Variants in HIVEP1 observed in about 807,000 individuals in gnomAD.
HIVEP1 encodes zinc finger protein 40.
A neutral mutation model predicts 180.0 loss-of-function variants in HIVEP1; 36 were observed. That is an observed-to-expected ratio of 0.20 (90% CI 0.15 to 0.26). The LOEUF is 0.26. HIVEP1 is among the 10% of genes least tolerant of loss of function. HIVEP1 has a pLI of 1.00. For synonymous variants in HIVEP1, 1,239 were observed against 1,239.0 expected, an observed-to-expected ratio of 1.00 and a Z score of 0.00; for missense variants, 3,143 against 3,268.7, an observed-to-expected ratio of 0.96 and a Z score of 0.94.
chr6:12,071,884 A>C (rs1194251295), intron 2 of HIVEP1, among the ~76,000 whole-genome samples: 1 of 152,170 alleles, frequency 6.6e-6, no homozygotes, highest in Non-Finnish European at 1.5e-5. Context: ...ATATACTGTA[A>C]ATGCTTTAAT....
intron 2 of HIVEP1, among the ~76,000 whole-genome samples, chr6:12,049,345 T>A (rs1770346477): frequency 6.6e-6 from 1 of 152,140 alleles, no homozygotes; most frequent in African/African-American, 2.4e-5. Context: ...TCTCTAAGAT[T>A]TGGCTACTGA....
At position 12,120,370 on chromosome 6, in the gene HIVEP1, C is replaced by G; in HGVS notation, c.575C>G (p.Thr192Arg). ...TGTGGCACTACGTCCCCCTCCTATA[C>G]AAACACTGCATTCGATGTCTTACTG... Reference protein sequence around the residue: ...SHCGTTSPSYTNTAFDVLLKA... With the variant: ...SHCGTTSPSYRNTAFDVLLKA... The change falls in exon 4 of 9, where the codon ACA (threonine) becomes AGA (arginine). Residue 192 changes from threonine to arginine, a missense_variant. Transcript: ENST00000379388. 1 of 1,614,188 alleles carries G rather than the reference C, an allele frequency of 6.2e-7. No individual in the cohort carries two copies. Among genetic ancestry groups the G allele is most frequent in the Non-Finnish European group, 8.5e-7 (1 of 1,180,006 alleles).
chr6:12,129,229 A>G (rs1411420446), intron 4 of HIVEP1, among the ~76,000 whole-genome samples: 2 of 152,242 alleles, frequency 1.3e-5, no homozygotes, highest in Non-Finnish European at 2.9e-5. Flanking sequence ...ATGATTTAAA[A>G]TAATGGAGGA....
the HIVEP1 span, among the ~76,000 whole-genome samples, chr6:12,196,245 T>C: frequency 3.9e-3 from 587 of 152,330 alleles, 3 homozygotes; most frequent in African/African-American, 0.013. Context: ...GTTGTATACA[T>C]CCTCTTCTAC....
intron 2 of HIVEP1, among the ~76,000 whole-genome samples, chr6:12,031,889 C>T (rs963714401): frequency 6.6e-6 from 1 of 152,100 alleles, no homozygotes; most frequent in African/African-American, 2.4e-5. Flanking sequence ...TCCTGTGGAC[C>T]GTGAATGTGG....
intron 3 of HIVEP1, among the ~76,000 whole-genome samples, chr6:12,105,438 ACTT>A (rs1774364843): frequency 1.3e-5 from 2 of 152,094 alleles, no homozygotes; most frequent in African/African-American, 2.4e-5. Context: ...CCCTGTTTGG[ACTT>A]TTATCCTCTC....
chr6:12,177,111 G>T, the HIVEP1 span, among the ~76,000 whole-genome samples: 1 of 152,292 alleles, frequency 6.6e-6, no homozygotes, highest in South Asian at 2.1e-4. Flanking sequence ...GGAGCTAAAT[G>T]ATGAGAACTC....
Position 12,123,331 on chromosome 6 carries a change from T to G in HIVEP1, c.3536T>G (p.Ile1179Ser). The G allele has an allele frequency of 6.2e-7, 1 of 1,614,018 alleles. No homozygotes were observed. The highest frequency in any genetic ancestry group is 1.1e-5 in the South Asian group (1 of 91,070). The change falls in exon 4 of 9, where the codon ATC becomes AGC. Residue 1179 changes from isoleucine (I) to serine (S), a missense_variant. Around this residue, in one of 12 missense-constraint regions of HIVEP1, gnomAD observed 1,357 missense variants for 1,260.5 expected, o/e 1.08. Coordinates refer to ENST00000379388, the MANE Select transcript of HIVEP1 (RefSeq NM_002114.4). The stretch of plus-strand genomic sequence containing the variant: ...TCCGGGTCTCTAAAAGTGATAGGAA[T>G]CTCCCAAGAGGAAAGTCACCCTTCT... ...GKSGSLKVIG[I>S]SQEESHPSRD... is the part of the protein sequence containing the mutation.
intron 2 of HIVEP1, among the ~76,000 whole-genome samples, chr6:12,060,603 G>A (rs532448682): frequency 3.3e-5 from 5 of 152,322 alleles, no homozygotes; most frequent in African/African-American, 1.2e-4. Context: ...TTACAGGATA[G>A]TTAATATCTT....
intron 2 of HIVEP1, among the ~76,000 whole-genome samples, chr6:12,064,850 C>T (rs1561904143): frequency 1.3e-5 from 2 of 152,288 alleles, no homozygotes; most frequent in South Asian, 2.1e-4. Context: ...TTTTCCATCC[C>T]GATTTCCCAG....
rs553523650 is a variant in HIVEP1 at position 12,164,394 on chromosome 6, A to T, written c.8090A>T (p.Gln2697Leu). Residue 2697 changes from glutamine to leucine, a missense_variant, in exon 9 of 9, where the codon CAG (glutamine) becomes CTG (leucine). Coordinates refer to ENST00000379388, the MANE Select transcript of HIVEP1 (RefSeq NM_002114.4). ...AGGCCCACAGCACTACCGCGGAGGCAGCCCACTGTGCACTTCAGCGACGTG... is the reference window on the plus strand; with the variant it reads ...AGGCCCACAGCACTACCGCGGAGGCTGCCCACTGTGCACTTCAGCGACGTG... The part of the protein sequence containing the change: ...VPRPTALPRR[Q>L]PTVHFSDVSS... 6.2e-7 allele frequency: 1 copy of T among 1,614,164 alleles called. No homozygotes were observed. Among genetic ancestry groups the T allele is most frequent in the East Asian group, 2.2e-5 (1 of 44,884 alleles).
the HIVEP1 span, among the ~76,000 whole-genome samples, chr6:12,195,014 G>C: frequency 6.6e-6 from 1 of 152,166 alleles, no homozygotes; most frequent in South Asian, 2.1e-4. Flanking sequence ...CTATAAAGAG[G>C]AATGATCTTC....
Position 12,015,632 on chromosome 6 carries a change from C to G in HIVEP1, c.4C>G (p.Pro2Ala). M[P>A]RTKQIHPRNL... ...AGAAGGCCCTGAGTCAAAGAAGATG[C>G]CTCGAACTAAACAAATTCATCCCAG... Residue 2 changes from proline (P) to alanine (A), a missense_variant, in exon 2 of 9, where the codon CCT becomes GCT. Physicochemically the swap from Pro to Ala is conservative, Grantham distance 27. Around this residue, in one of 12 missense-constraint regions of HIVEP1, gnomAD observed 114 missense variants for 134.5 expected, o/e 0.85. Transcript: ENST00000379388. 1 of 1,613,186 alleles carries G rather than the reference C, an allele frequency of 6.2e-7. No homozygotes were observed. The highest frequency in any genetic ancestry group is 1.7e-5 in the Admixed American group (1 of 59,922).
rs1207478575 is a variant in HIVEP1 at position 12,136,935 on chromosome 6, A to T, written c.6487+1043A>T. Among the ~76,000 whole-genome samples the T allele has an allele frequency of 2.6e-5, 4 of 152,240 alleles. No homozygotes were observed. The East Asian group carries it at 7.7e-4, about 29-fold the overall frequency. ...TGCTTTTTAAAATGCCCTGAATTAAACATTTACGTGCTTGCTATATTTTTC... is the reference window on the plus strand; with the variant it reads ...TGCTTTTTAAAATGCCCTGAATTAATCATTTACGTGCTTGCTATATTTTTC... On this transcript the variant is annotated intron_variant, in intron 7 of 8. Transcript: ENST00000379388.
chr6:12,011,183 A>T (rs1295179637), upstream of HIVEP1, among the ~76,000 whole-genome samples: 1 of 151,924 alleles, frequency 6.6e-6, no homozygotes, highest in Non-Finnish European at 1.5e-5. Flanking sequence ...CGTTTTTTTA[A>T]AAGTTGTTTT....
chr6:12,184,022 T>TAGATAGAC, the HIVEP1 span, among the ~76,000 whole-genome samples: 2,086 of 101,604 alleles, frequency 0.021, 30 homozygotes, highest in Admixed American at 0.053. Flanking sequence ...GATAGATAGA[T>TAGATAGAC]AGACAGACAG....
At chr6:12,111,041 A>G (rs958882325) in intron 3 of HIVEP1, among the ~76,000 whole-genome samples, 10 of 152,244 alleles carry the variant, frequency 6.6e-5, no homozygotes, top group African/African-American at 2.4e-4. Context: ...TGGAGCAGTG[A>G]GAACACACAC....
chr6:12,024,440 G>A (rs558753797), intron 2 of HIVEP1, among the ~76,000 whole-genome samples: 1 of 152,218 alleles, frequency 6.6e-6, no homozygotes, highest in East Asian at 1.9e-4. Flanking sequence ...GCATGAATTG[G>A]AACCATACGA....
In HIVEP1 at chr6:12,163,326, G is replaced by C. The variant is rs771132921; in HGVS notation, c.7022G>C (p.Ser2341Thr). The change falls in exon 9 of 9, where the codon AGC becomes ACC. Residue 2341 changes from serine to threonine, a missense_variant. Physicochemically the swap from Ser to Thr is moderately conservative, Grantham distance 58. This residue lies in a region of HIVEP1 where 595 missense variants were observed against 602.2 expected (regional missense o/e 0.99). Transcript: ENST00000379388. ...VRLPPAAAEHSPQTAAGMPSV... is the reference protein window; with the variant it reads ...VRLPPAAAEHTPQTAAGMPSV... ...CTTCCTCCTGCTGCAGCTGAGCACAGCCCCCAGACAGCAGCGGGGATGCCT... is the reference window on the plus strand; with the variant it reads ...CTTCCTCCTGCTGCAGCTGAGCACACCCCCCAGACAGCAGCGGGGATGCCT... 5.6e-6 allele frequency: 9 copies of C among 1,614,126 alleles called. No homozygotes were observed. Among genetic ancestry groups the C allele is most frequent in the Non-Finnish European group, 7.6e-6 (9 of 1,180,024 alleles).
Sources: gnomAD v4.1 joint callset for allele counts (sites outside exome capture counted in the v4.1 genomes callset) on GRCh38, gnomAD v4.1.1 for gene constraint, gnomAD v4.1.1 regional missense constraint, MANE v1.5 for transcripts, NCBI Gene and HGNC (gene_info 2026-07-23, HGNC 2026-07-21) for gene names.